TTLL10: variants seen among roughly 807,000 people sequenced by gnomAD.
TTLL10 encodes the protein tubulin tyrosine ligase like 10, also known as inactive polyglycylase TTLL10.
TTLL10 carries 61 observed loss-of-function variants against 69.0 expected under a neutral mutation model. The observed-to-expected ratio is 0.88, with a 90% confidence interval of 0.72 to 1.09. The LOEUF (loss-of-function observed/expected upper bound fraction) is 1.09, where lower values mean the gene tolerates loss of function less well. Ranked by LOEUF, TTLL10 falls within the 50% of genes least tolerant of loss-of-function variation. The pLI is 0.00. For synonymous variants in TTLL10, 408 were observed against 393.3 expected (o/e 1.04, Z -0.44); for missense variants, 962 against 945.9 (o/e 1.02, Z -0.22).
intron 13 of TTLL10, among the ~76,000 whole-genome samples, chr1:1,188,561 C>T (rs757720136): frequency 5.9e-5 from 9 of 152,026 alleles, no homozygotes; most frequent in African/African-American, 9.7e-5. Flanking sequence ...CCCACCACCA[C>T]GCTCGGCTAA....
At chr1:1,177,285 CGTGT>C (rs771740834) in intron 3 of TTLL10, among the ~76,000 whole-genome samples, 1 of 147,756 alleles carries the variant, frequency 6.8e-6, no homozygotes. Context: ...TGTGTCTGTG[CGTGT>C]GTGTGTGTAA....
At position 1,185,539 on chromosome 1, in the gene TTLL10, G is replaced by A. The variant is rs1647256351; in HGVS notation, c.1401+430G>A. ...GACTCTCCCTAGCTAAGGGCCATGTGCGGTGGAGTGTCCTAATTTTGCAGG... is the reference window on the plus strand; with the variant it reads ...GACTCTCCCTAGCTAAGGGCCATGTACGGTGGAGTGTCCTAATTTTGCAGG... On this transcript the variant is annotated intron_variant, in intron 13 of 15. Coordinates refer to ENST00000379289, the MANE Select transcript of TTLL10 (RefSeq NM_001130045.2). The surrounding 1 kb of genome is among the most constrained non-coding windows in gnomAD (Gnocchi z 6.1). 9.9e-7 allele frequency: 1 copy of A among 1,007,302 alleles called. No individual in the cohort carries two copies. The highest frequency in any genetic ancestry group is 1.2e-6 in the Non-Finnish European group (1 of 845,106). The allele number at this position is 1,007,302 out of a possible 1,614,324, so 62.4% of individuals were successfully genotyped here.
At chr1:1,178,121 C>A (rs113136607) in intron 3 of TTLL10, among the ~76,000 whole-genome samples, 3,294 of 152,268 alleles carry the variant, frequency 0.022, 53 homozygotes, top group Non-Finnish European at 0.028. Flanking sequence ...AGGCTTCCTG[C>A]GGGTGAGATT....
intron 13 of TTLL10, chr1:1,196,361 G>T: frequency 1.9e-6 from 1 of 514,782 alleles, no homozygotes; most frequent in Non-Finnish European, 3.5e-6. Context: ...TTTCCTGTGA[G>T]TTTTCCTCAC....
chr1:1,194,572 C>G (rs1648065609), intron 13 of TTLL10, among the ~76,000 whole-genome samples: 1 of 152,308 alleles, frequency 6.6e-6, no homozygotes, highest in Non-Finnish European at 1.5e-5. Flanking sequence ...ATTTTTGAAG[C>G]AGCTTTTGCT....
chr1:1,182,324 G>A, intron 9 of TTLL10, 37 bp from the exon 10 acceptor site: 1 of 1,592,462 alleles, frequency 6.3e-7, no homozygotes, highest in African/African-American at 1.3e-5. Context: ...AGGGGCGAAG[G>A]GACAGCAGCT....
At position 1,184,937 on chromosome 1, in the gene TTLL10, G is replaced by C. The variant is rs773762854; in HGVS notation, c.1261-32G>C. On this transcript the variant is annotated intron_variant, in intron 12 of 15. Transcript: ENST00000379289. ...GAGGACAGGCCCTCCGGACAGTCTG[G>C]GAGCCAGTCTCCAGGCACCGTGTGC... 13 of 1,565,184 alleles carry C rather than the reference G, an allele frequency of 8.3e-6. No homozygotes were observed. In the South Asian group the frequency reaches 1.5e-4, roughly 19 times the overall value.
In TTLL10 at chr1:1,182,880, C is replaced by T; in HGVS notation, c.921C>T (p.Thr307=). The T allele has an allele frequency of 6.3e-7, 1 of 1,580,538 alleles. No homozygotes were observed. Among genetic ancestry groups the T allele is most frequent in the South Asian group, 1.2e-5 (1 of 86,840 alleles). ...REAFFTLFDE[T]QIWICKPTAS... ...CTCAGGCCGCGCTCTCTGCAGAAAC[C>T]CAGATATGGATCTGCAAGCCCACAG... Residue 307 remains threonine (T), a synonymous_variant, in exon 11 of 16, where the codon ACC becomes ACT. Transcript: ENST00000379289.
At chr1:1,187,079 C>A (rs1425722681) in intron 13 of TTLL10, among the ~76,000 whole-genome samples, 1 of 151,782 alleles carries the variant, frequency 6.6e-6, no homozygotes, top group Non-Finnish European at 1.5e-5. Context: ...ATCTCCTGAC[C>A]TCGTGATCTG....
chr1:1,180,351 G>A lies in TTLL10; in HGVS notation c.506+11G>A. ...CAACGGGGCCACAATGTGAGTAGCG[G>A]CCCTGGGCGCCCGTGGTCCCACTGA... On this transcript the variant is annotated intron_variant, in intron 6 of 15. Coordinates refer to ENST00000379289, the MANE Select transcript of TTLL10 (RefSeq NM_001130045.2). 2 of 1,551,676 alleles carry A rather than the reference G, an allele frequency of 1.3e-6. No individual in the cohort carries two copies. The highest frequency in any genetic ancestry group is 2.4e-5 in the East Asian group (1 of 41,510).
At chr1:1,190,001 A>G (rs1460088938) in intron 13 of TTLL10, among the ~76,000 whole-genome samples, 1 of 151,538 alleles carries the variant, frequency 6.6e-6, no homozygotes, top group African/African-American at 2.4e-5. Context: ...AGTCCCAGCT[A>G]CTCGGGAGGC....
intron 13 of TTLL10, among the ~76,000 whole-genome samples, chr1:1,195,936 C>T (rs9329408): frequency 0.048 from 6,289 of 130,500 alleles, 80 homozygotes; most frequent in African/African-American, 0.083. Flanking sequence ...GCCACGCGCC[C>T]GACCAACTTG....
intron 15 of TTLL10, 63 bp from the exon 16 acceptor site, chr1:1,197,371 ACCCT>A: frequency 1.8e-5 from 5 of 278,724 alleles, no homozygotes; most frequent in African/African-American, 6.9e-5. Context: ...CACCCCTCAC[ACCCT>A]CCCCACCCCC....
chr1:1,180,062 C>A lies in TTLL10; in HGVS notation c.228C>A (p.Ser76Arg). ...CGGCCCACGAGAGGCCAATGGGGAG[C>A]AGCCAGGAGGAGGGACTCCGGTGTC... ...VGPAHERPMG[S>R]SQEEGLRCQP... is the part of the protein sequence containing the mutation. Residue 76 changes from serine (S) to arginine (R), a missense_variant, in exon 6 of 16, where the codon AGC becomes AGA. Coordinates refer to ENST00000379289, the MANE Select transcript of TTLL10 (RefSeq NM_001130045.2). 3 of 1,586,642 alleles carry A rather than the reference C, an allele frequency of 1.9e-6. No individual in the cohort carries two copies. Among genetic ancestry groups the A allele is most frequent in the South Asian group, 1.2e-5 (1 of 86,654 alleles).
chr1:1,186,371 G>A (rs892853076), intron 13 of TTLL10, among the ~76,000 whole-genome samples: 1 of 152,210 alleles, frequency 6.6e-6, no homozygotes, highest in Non-Finnish European at 1.5e-5. Context: ...TTACAGGCGT[G>A]AGCCACTGCA....
intron 3 of TTLL10, chr1:1,175,535 G>A (rs1646841455): frequency 8.0e-6 from 3 of 375,518 alleles, no homozygotes; most frequent in African/African-American, 6.3e-5. Flanking sequence ...TTTCCTCAGA[G>A]TTGGCGATCG....
chr1:1,195,952 T>G (rs543168407), intron 13 of TTLL10, among the ~76,000 whole-genome samples: 1 of 151,954 alleles, frequency 6.6e-6, no homozygotes, highest in East Asian at 1.9e-4. Flanking sequence ...ACTTGTGTAT[T>G]TCTAGTAGAG....
chr1:1,197,019 G>A (rs760411227), intron 14 of TTLL10, 74 bp from the exon 15 acceptor site: 62 of 1,376,804 alleles, frequency 4.5e-5, no homozygotes, highest in Non-Finnish European at 6.3e-5. Context: ...CTGTCTGAAT[G>A]AGGACCAGGG....
chr1:1,196,545 G>T, intron 13 of TTLL10, 55 bp from the exon 14 acceptor site: 1 of 1,335,140 alleles, frequency 7.5e-7, no homozygotes, highest in South Asian at 1.3e-5. Context: ...TTCAGACCTG[G>T]GGTGTGATCA....
Sources: allele counts gnomAD v4.1 joint callset (sites outside exome capture counted in the v4.1 genomes callset), GRCh38; gene constraint gnomAD v4.1.1; non-coding constraint Gnocchi (gnomAD v3.1); transcripts MANE v1.5; gene names NCBI Gene and HGNC (gene_info 2026-07-23, HGNC 2026-07-21).